Variants in CRACD observed in about 807,000 individuals in gnomAD.
CRACD encodes the protein capping protein-inhibiting regulator of actin dynamics.
CRACD carries 56 observed loss-of-function variants against 106.8 expected under a neutral mutation model. The ratio of observed to expected loss-of-function variants is 0.52; its 90% CI spans 0.42 to 0.66. The LOEUF is 0.66. Ranked by LOEUF, CRACD falls within the 30% of genes least tolerant of loss-of-function variation. The probability of loss-of-function intolerance (pLI) is 0.00; values close to 1 mark genes in which losing one functional copy is unlikely to be tolerated. For missense variants in CRACD, 1,730 were observed against 1,623.2 expected (o/e 1.07, Z -1.13); for synonymous variants, 754 against 670.8 (o/e 1.12, Z -1.92).
At chr4:56,057,821 T>G (rs867331624) in intron 1 of CRACD, among the ~76,000 whole-genome samples, 664 of 57,208 alleles carry the variant, frequency 0.012, 136 homozygotes, top group African/African-American at 0.067. Context: ...TTTGTTTTTT[T>G]TTTTTTTTTT....
chr4:56,248,665 G>A (rs1438983524), intron 2 of CRACD, among the ~76,000 whole-genome samples: 10 of 149,144 alleles, frequency 6.7e-5, no homozygotes, highest in Admixed American at 1.3e-4. Context: ...ATGCTGGTGC[G>A]CTGCACCCAC....
At chr4:56,323,982 C>T (rs1285291064) in intron 9 of CRACD, 122 bp from the exon 10 acceptor site, 1 of 1,100,206 alleles carries the variant, frequency 9.1e-7, no homozygotes, top group Non-Finnish European at 1.3e-6. Flanking sequence ...ACATGTAATC[C>T]AGCCCACCGT....
At chr4:56,150,212 T>TGTTA (rs1289210723) in intron 1 of CRACD, among the ~76,000 whole-genome samples, 4 of 152,274 alleles carry the variant, frequency 2.6e-5, no homozygotes, top group South Asian at 4.1e-4. Context: ...AGTGCCATGA[T>TGTTA]GTTAGATGTC....
chr4:56,266,389 T>C (rs1742020001), intron 2 of CRACD, among the ~76,000 whole-genome samples: 1 of 152,190 alleles, frequency 6.6e-6, no homozygotes, highest in Non-Finnish European at 1.5e-5. Flanking sequence ...TATTTAACCC[T>C]TAACTAGAGC....
chr4:56,252,299 C>T (rs1389980909), intron 2 of CRACD, among the ~76,000 whole-genome samples: 1 of 152,202 alleles, frequency 6.6e-6, no homozygotes, highest in Non-Finnish European at 1.5e-5. Context: ...TCTCTAACAC[C>T]ACCAAACTCT....
At chr4:56,137,624 T>C (rs1735050178) in intron 1 of CRACD, among the ~76,000 whole-genome samples, 1 of 152,214 alleles carries the variant, frequency 6.6e-6, no homozygotes, top group Non-Finnish European at 1.5e-5. Flanking sequence ...CTCTCTTACT[T>C]CATTATGGCC....
intron 2 of CRACD, among the ~76,000 whole-genome samples, chr4:56,196,696 T>C (rs74396714): frequency 0.016 from 2,399 of 152,264 alleles, 61 homozygotes; most frequent in East Asian, 0.053. Context: ...AATTCTATCA[T>C]GCTTGATTAT....
At chr4:56,160,574 G>C (rs547542598) in intron 1 of CRACD, among the ~76,000 whole-genome samples, 4 of 152,334 alleles carry the variant, frequency 2.6e-5, no homozygotes, top group South Asian at 4.1e-4. Context: ...GATGCTGCAT[G>C]ATGGATCATT....
intron 1 of CRACD, among the ~76,000 whole-genome samples, chr4:56,127,297 G>C (rs1734689495): frequency 6.6e-6 from 1 of 152,136 alleles, no homozygotes. Flanking sequence ...CAGATATTCT[G>C]TTAAAGCAGC....
chr4:56,232,892 T>A (rs1739724129), intron 2 of CRACD, among the ~76,000 whole-genome samples: 1 of 150,562 alleles, frequency 6.6e-6, no homozygotes, highest in Admixed American at 6.6e-5. Flanking sequence ...GCCCAGCTAA[T>A]TTTTTTTTGT....
chr4:56,094,579 G>T (rs992203103), intron 1 of CRACD, among the ~76,000 whole-genome samples: 1 of 151,818 alleles, frequency 6.6e-6, no homozygotes, highest in Non-Finnish European at 1.5e-5. Flanking sequence ...TTAGCCTCCC[G>T]AGTAGCTGGG....
At chr4:56,299,130 G>A (rs916189929) in intron 4 of CRACD, among the ~76,000 whole-genome samples, 6 of 151,948 alleles carry the variant, frequency 3.9e-5, no homozygotes, top group Non-Finnish European at 8.8e-5. Flanking sequence ...TGTAAATCTC[G>A]CCACCCTAAG....
chr4:56,056,019 A>C (rs1414088690), intron 1 of CRACD, among the ~76,000 whole-genome samples: 1 of 152,232 alleles, frequency 6.6e-6, no homozygotes, highest in Admixed American at 6.5e-5. Context: ...ATGGTTATCA[A>C]ATATTTTTCT....
chr4:56,221,828 C>G (rs1560489352), intron 2 of CRACD, among the ~76,000 whole-genome samples: 1 of 152,136 alleles, frequency 6.6e-6, no homozygotes. Context: ...ATTAAAACCA[C>G]AGTTCACCAC....
intron 4 of CRACD, among the ~76,000 whole-genome samples, chr4:56,303,603 A>C (rs1302810769): frequency 1.3e-5 from 2 of 152,246 alleles, no homozygotes; most frequent in Non-Finnish European, 2.9e-5. Context: ...GTGAGCAGTA[A>C]ACTTAATTGT....
chr4:56,117,459 C>T (rs1396531840), intron 1 of CRACD, among the ~76,000 whole-genome samples: 1 of 148,960 alleles, frequency 6.7e-6, no homozygotes, highest in East Asian at 2.0e-4. Flanking sequence ...ATCATAGAGA[C>T]AGAAAGTCTG....
At position 56,316,386 on chromosome 4, in the gene CRACD, G is replaced by T; in HGVS notation, c.2884G>T (p.Ala962Ser). The T allele has an allele frequency of 6.2e-7, 1 of 1,614,150 alleles. No homozygotes were observed. The change falls in exon 8 of 11, where the codon GCA (alanine) becomes TCA (serine). Residue 962 changes from alanine (A) to serine (S), a missense_variant. Around this residue, in one of 5 missense-constraint regions of CRACD, gnomAD observed 1,620 missense variants for 1,481.6 expected, o/e 1.09. Coordinates refer to ENST00000682029, the MANE Select transcript of CRACD (RefSeq NM_001393381.1). Reference protein sequence around the residue: ...ANKMPLAQKPALAPKPTSQTP... With the variant: ...ANKMPLAQKPSLAPKPTSQTP... ...CAAAATGCCACTGGCACAAAAGCCAGCACTGGCTCCCAAGCCCACCAGTCA... is the reference window on the plus strand; with the variant it reads ...CAAAATGCCACTGGCACAAAAGCCATCACTGGCTCCCAAGCCCACCAGTCA...
At position 56,314,966 on chromosome 4, in the gene CRACD, G is replaced by A. The variant is rs376444586; in HGVS notation, c.1464G>A (p.Thr488=). 542 of 1,589,192 alleles carry A rather than the reference G, an allele frequency of 3.4e-4. No homozygotes were observed. The highest frequency in any genetic ancestry group is 3.8e-4 in the Non-Finnish European group (450 of 1,169,268). ...AGGAAAAGAGAGAAGAAGGGGACAC[G>A]GAGCCTCTCCTGAAACAAGAGGGGC... ...GPEEKREEGD[T]EPLLKQEGPV... is the part of the protein sequence containing the mutation. The change falls in exon 8 of 11, where the codon ACG becomes ACA. Residue 488 remains threonine, a synonymous_variant. Transcript: ENST00000682029. This position sits in a 1 kb window ranked among gnomAD's most constrained non-coding sequence, Gnocchi z 4.4.
In CRACD at chr4:56,307,759, C is replaced by T. The variant is rs908111867; in HGVS notation, c.285+60C>T. 29 of 1,557,624 alleles carry T rather than the reference C, an allele frequency of 1.9e-5. No homozygotes were observed. The East Asian group carries it at 5.2e-4, about 28-fold the overall frequency. On this transcript the variant is annotated intron_variant, in intron 5 of 10. Transcript: ENST00000682029. Reference sequence around the variant, plus strand: ...TAAACCAGGGCAGGACATTGGGCCTCCAGTAACCCTGGGGTCTGCAGCAGG... The same window carrying T: ...TAAACCAGGGCAGGACATTGGGCCTTCAGTAACCCTGGGGTCTGCAGCAGG...
Sources: allele counts gnomAD v4.1 joint callset (sites outside exome capture counted in the v4.1 genomes callset), GRCh38; gene constraint gnomAD v4.1.1; regional missense constraint gnomAD v4.1.1; non-coding constraint Gnocchi (gnomAD v3.1); transcripts MANE v1.5; gene names NCBI Gene and HGNC (gene_info 2026-07-23, HGNC 2026-07-21).